Variants in LRMDA observed in about 807,000 individuals in gnomAD.
LRMDA encodes leucine-rich melanocyte differentiation-associated protein.
LRMDA carries 18 observed loss-of-function variants against 29.8 expected under a neutral mutation model. The observed-to-expected ratio is 0.60, with a 90% CI of 0.42 to 0.90. LRMDA has a LOEUF of 0.90. Among genes scored for constraint, LRMDA ranks in the 40% least tolerant of loss-of-function variants. The probability of loss-of-function intolerance (pLI) is 0.00; values close to 1 mark genes in which losing one functional copy is unlikely to be tolerated. For synonymous variants in LRMDA, 125 were observed against 109.4 expected, an observed-to-expected ratio of 1.14 and a Z score of -0.89; for missense variants, 273 against 273.9, an observed-to-expected ratio of 1.00 and a Z score of 0.02.
chr10:76,020,281 A>G (rs1336567671), intron 2 of LRMDA, among the ~76,000 whole-genome samples: 1 of 152,226 alleles, frequency 6.6e-6, no homozygotes, highest in African/African-American at 2.4e-5. Flanking sequence ...ATGCATGTTC[A>G]GGAAAACATG....
At chr10:75,466,357 TAGTGATAGAACCATCATTCCA>T (rs1225081782) in intron 2 of LRMDA, among the ~76,000 whole-genome samples, 8 of 152,058 alleles carry the variant, frequency 5.3e-5, no homozygotes, top group African/African-American at 1.9e-4. Flanking sequence ...CCTGGGTCTG[TAGTGATAGAACCATCATTCCA>T]GGGGGATGGG....
intron 6 of LRMDA, among the ~76,000 whole-genome samples, chr10:76,358,694 T>A (rs922199129): frequency 3.9e-5 from 6 of 152,294 alleles, no homozygotes; most frequent in African/African-American, 1.4e-4. Flanking sequence ...AACCTTGATT[T>A]TATCTGCACA....
At position 76,190,951 on chromosome 10, in the gene LRMDA, G is replaced by A. The variant is rs867145472; in HGVS notation, c.516+132168G>A. On this transcript the variant is annotated intron_variant, in intron 5 of 6. Transcript: ENST00000611255. ...TGCAAGCTGATTCCCTAAGTTTGGT[G>A]AACACATAATTGTTGTATGTAACCC... 2.0e-5 allele frequency among the ~76,000 whole-genome samples: 3 copies of A among 152,190 alleles called. No individual in the cohort carries two copies. In the South Asian group the frequency reaches 6.2e-4, roughly 31 times the overall value.
At chr10:76,163,535 T>G (rs989702950) in intron 5 of LRMDA, among the ~76,000 whole-genome samples, 2 of 152,116 alleles carry the variant, frequency 1.3e-5, no homozygotes, top group African/African-American at 4.8e-5. Flanking sequence ...ATGCTATACA[T>G]AAAGCATTAC....
intron 2 of LRMDA, among the ~76,000 whole-genome samples, chr10:75,975,284 G>A (rs2132443140): frequency 6.6e-6 from 1 of 152,330 alleles, no homozygotes; most frequent in African/African-American, 2.4e-5. Flanking sequence ...CCTCTACACT[G>A]ATGGTTGTTT....
At chr10:76,244,611 C>T (rs916833110) in intron 5 of LRMDA, among the ~76,000 whole-genome samples, 1 of 152,126 alleles carries the variant, frequency 6.6e-6, no homozygotes, top group Admixed American at 6.5e-5. Context: ...GGTCTGTTTC[C>T]TTCACACAAG....
intron 2 of LRMDA, among the ~76,000 whole-genome samples, chr10:75,555,138 C>T (rs1298994209): frequency 6.6e-6 from 1 of 152,068 alleles, no homozygotes; most frequent in Non-Finnish European, 1.5e-5. Flanking sequence ...CTCCATGGCC[C>T]TATGAGAGAG....
chr10:75,870,590 C>T (rs1001042294), intron 2 of LRMDA, among the ~76,000 whole-genome samples: 3 of 152,120 alleles, frequency 2.0e-5, no homozygotes, highest in Admixed American at 1.3e-4. Flanking sequence ...ATCTGGTGGG[C>T]GCTTCTAGGT....
intron 2 of LRMDA, among the ~76,000 whole-genome samples, chr10:75,469,074 G>A (rs1844694132): frequency 6.6e-6 from 1 of 152,090 alleles, no homozygotes; most frequent in Non-Finnish European, 1.5e-5. Flanking sequence ...GGGAGAGCAT[G>A]GGGAAAAAGT....
chr10:76,058,141 C>G (rs886365350), intron 4 of LRMDA, among the ~76,000 whole-genome samples: 1 of 152,160 alleles, frequency 6.6e-6, no homozygotes, highest in African/African-American at 2.4e-5. Context: ...AGGGATGATG[C>G]GAACAAAGTT....
chr10:75,629,450 G>A (rs1239074189), intron 2 of LRMDA, among the ~76,000 whole-genome samples: 2 of 152,136 alleles, frequency 1.3e-5, no homozygotes, highest in African/African-American at 4.8e-5. Flanking sequence ...CTTTCTAATA[G>A]GATCTGCCAG....
At chr10:75,838,568 G>GA (rs1844482251) in intron 2 of LRMDA, among the ~76,000 whole-genome samples, 1 of 152,120 alleles carries the variant, frequency 6.6e-6, no homozygotes. Flanking sequence ...TTTCAGGGAT[G>GA]AAAAAGTCAA....
rs193109836 is a variant in LRMDA, at chr10:76,332,683, T to G, written c.601+8198T>G. ...GTGGAAGGTTCTAAATGTGCTTATG[T>G]TTTAGAGTCCTGGGCTGTTTCTTGC... is the stretch of plus-strand genomic sequence containing the variant. On this transcript the variant is annotated intron_variant, in intron 6 of 6. Coordinates refer to ENST00000611255, the MANE Select transcript of LRMDA (RefSeq NM_001305581.2). Among the ~76,000 whole-genome samples, 29 of 152,296 alleles carry G rather than the reference T, an allele frequency of 1.9e-4. No individual in the cohort carries two copies. In the East Asian group the frequency reaches 5.0e-3, roughly 26 times the overall value.
intron 2 of LRMDA, among the ~76,000 whole-genome samples, chr10:75,485,792 G>A (rs1296450592): frequency 1.3e-5 from 2 of 152,064 alleles, no homozygotes; most frequent in African/African-American, 2.4e-5. Context: ...TGGCTAAGCC[G>A]GTCTCAAACA....
At chr10:76,146,561 C>T (rs1268242914) in intron 5 of LRMDA, among the ~76,000 whole-genome samples, 1 of 152,048 alleles carries the variant, frequency 6.6e-6, no homozygotes, top group Non-Finnish European at 1.5e-5. Context: ...TTCCTCCATC[C>T]CTTTATTTTG....
At chr10:76,001,497 G>A (rs1847561991) in intron 2 of LRMDA, among the ~76,000 whole-genome samples, 1 of 152,080 alleles carries the variant, frequency 6.6e-6, no homozygotes, top group South Asian at 2.1e-4. Flanking sequence ...AAGTTTAAGA[G>A]TAAATTCATT....
intron 2 of LRMDA, among the ~76,000 whole-genome samples, chr10:75,447,786 C>T (rs1234204300): frequency 1.3e-5 from 2 of 152,110 alleles, no homozygotes; most frequent in African/African-American, 2.4e-5. Flanking sequence ...GTTTCAGCTA[C>T]TTGGGAGGCT....
At chr10:76,289,574 T>G (rs1350396290) in intron 5 of LRMDA, among the ~76,000 whole-genome samples, 1 of 152,168 alleles carries the variant, frequency 6.6e-6, no homozygotes, top group Non-Finnish European at 1.5e-5. Context: ...TTGTCTAATC[T>G]CCCTATTACA....
intron 2 of LRMDA, among the ~76,000 whole-genome samples, chr10:76,019,516 G>A (rs1564631748): frequency 6.6e-6 from 1 of 152,022 alleles, no homozygotes; most frequent in African/African-American, 2.4e-5. Flanking sequence ...AAACTATTGT[G>A]TTAACAAAAA....
Sources: allele counts gnomAD v4.1 joint callset (sites outside exome capture counted in the v4.1 genomes callset), GRCh38; gene constraint gnomAD v4.1.1; transcripts MANE v1.5; gene names NCBI Gene and HGNC (gene_info 2026-07-23, HGNC 2026-07-21).